Variants in KNSTRN observed in about 807,000 individuals in gnomAD.
KNSTRN encodes small kinetochore-associated protein.
Under a neutral mutation model 44.7 loss-of-function variants are expected in KNSTRN, and 38 were observed. The ratio of observed to expected loss-of-function variants is 0.85; its 90% CI spans 0.66 to 1.11. KNSTRN has a LOEUF of 1.11. Ranked by LOEUF, KNSTRN falls within the 50% of genes most tolerant of loss-of-function variation. KNSTRN has a pLI of 0.00. For missense variants in KNSTRN, 406 were observed against 375.8 expected, an observed-to-expected ratio of 1.08 and a Z score of -0.66; for synonymous variants, 158 against 148.1, an observed-to-expected ratio of 1.07 and a Z score of -0.48.
At chr15:40,386,324 A>G in intron 2 of KNSTRN, 38 bp from the exon 3 acceptor site, 3 of 1,601,530 alleles carry the variant, frequency 1.9e-6, no homozygotes, top group African/African-American at 1.3e-5. Context: ...CTGTCGGGTC[A>G]TGATGCCAGA....
At chr15:40,384,544 C>T (rs1889871996) in intron 2 of KNSTRN, 1 of 453,866 alleles carries the variant, frequency 2.2e-6, no homozygotes, top group African/African-American at 2.0e-5. Flanking sequence ...GTGTCTTTCC[C>T]TTAGATGCGG....
chr15:40,391,709 G>A (rs1203994342), intron 7 of KNSTRN, 155 bp downstream of exon 7: 2 of 699,154 alleles, frequency 2.9e-6, no homozygotes, highest in Non-Finnish European at 4.8e-6. Flanking sequence ...ACTCAAAATA[G>A]CATATTTTAC....
chr15:40,382,788 C>A lies in KNSTRN; in HGVS notation c.-48C>A. ...CTGCCCAGACCTGGGGGCTCCAACA[C>A]CTTTCGCTAGGTCTGGCTCTGGCCT... On this transcript the variant is annotated 5_prime_UTR_variant, in exon 1 of 9. Transcript: ENST00000249776. The A allele has an allele frequency of 1.3e-6, 2 of 1,553,754 alleles. No homozygotes were observed. Among genetic ancestry groups the A allele is most frequent in the Non-Finnish European group, 8.8e-7 (1 of 1,141,322 alleles).
intron 2 of KNSTRN, chr15:40,384,833 C>T: frequency 6.3e-6 from 1 of 159,464 alleles, no homozygotes; most frequent in South Asian, 1.5e-4. Context: ...CCCAGTGTCT[C>T]CCATTTTTAA....
At position 40,383,340 on chromosome 15, in the gene KNSTRN, G is replaced by A. The variant is rs746076066; in HGVS notation, c.304+18G>A. The A allele has an allele frequency of 1.1e-5, 17 of 1,593,648 alleles. No individual in the cohort carries two copies. The highest frequency in any genetic ancestry group is 2.7e-5 in the African/African-American group (2 of 74,518). The stretch of plus-strand genomic sequence containing the variant: ...GCCGGCAGGTGAGGGTCCAAGCCAC[G>A]CCCGGGGCACTGCGGCCTGGCCGGG... On this transcript the variant is annotated intron_variant, in intron 2 of 8. Transcript: ENST00000249776.
chr15:40,393,767 G>T lies in KNSTRN; in HGVS notation c.*170G>T. On this transcript the variant is annotated 3_prime_UTR_variant, in exon 9 of 9. Transcript: ENST00000249776. ...GCTGAAATGGCAATTCCTCATTTAA[G>T]CAAGTTTTCCCAACCTTCAGGTTGG... 2 of 588,810 alleles carry T rather than the reference G, an allele frequency of 3.4e-6. No homozygotes were observed. The highest frequency in any genetic ancestry group is 5.5e-6 in the Non-Finnish European group (2 of 363,858). 36.5% of individuals were successfully genotyped at this position (588,810 alleles called of 1,614,324 possible). A position where few individuals can be genotyped will look rare whatever the true frequency, so the allele number is the denominator to read the frequency against.
In KNSTRN at chr15:40,386,846, G is replaced by A. The variant is rs1019669496; in HGVS notation, c.438-313G>A. 6 of 528,366 alleles carry A rather than the reference G, an allele frequency of 1.1e-5. No homozygotes were observed. In the South Asian group the frequency reaches 1.3e-4, roughly 11 times the overall value. The allele number at this position is 528,366 out of a possible 1,614,324, so 32.7% of individuals were successfully genotyped here. A position where few individuals can be genotyped will look rare whatever the true frequency, so the allele number is the denominator to read the frequency against. On this transcript the variant is annotated intron_variant, in intron 3 of 8. Coordinates refer to ENST00000249776, the MANE Select transcript of KNSTRN (RefSeq NM_033286.4). ...TGACCACACAGTCCAGCCCTAGTGT[G>A]TGTGTATGTCCCCAGCCAGCAGTCA...
At chr15:40,388,427 G>A (rs530380058) in intron 4 of KNSTRN, among the ~76,000 whole-genome samples, 93 of 152,286 alleles carry the variant, frequency 6.1e-4, no homozygotes, top group African/African-American at 2.1e-3. Context: ...AAGGGCCGGC[G>A]CAGTGGCTCA....
chr15:40,383,328 G>A lies in KNSTRN; in HGVS notation c.304+6G>A, dbSNP rs1889847448. On this transcript the variant is annotated splice_donor_region_variant and intron_variant, in intron 2 of 8. Transcript: ENST00000249776. ...GAGCGGCGGCCAGCCGGCAGGTGAGGGTCCAAGCCACGCCCGGGGCACTGC... is the reference window on the plus strand; with the variant it reads ...GAGCGGCGGCCAGCCGGCAGGTGAGAGTCCAAGCCACGCCCGGGGCACTGC... 1 of 1,606,748 alleles carries A rather than the reference G, an allele frequency of 6.2e-7. No individual in the cohort carries two copies. The highest frequency in any genetic ancestry group is 8.5e-7 in the Non-Finnish European group (1 of 1,174,566).
intron 6 of KNSTRN, 40 bp from the exon 7 acceptor site, chr15:40,391,453 G>A (rs772603407): frequency 7.2e-6 from 11 of 1,524,496 alleles, no homozygotes; most frequent in Middle Eastern, 1.7e-4. Context: ...TTTAGGGTGT[G>A]TAGTTCCCTA....
rs771553462 is a variant in KNSTRN, at chr15:40,391,948, G to A, written c.748-1G>A. On this transcript the variant is annotated splice_acceptor_variant, in intron 7 of 8. Coordinates refer to ENST00000249776, the MANE Select transcript of KNSTRN (RefSeq NM_033286.4). LOFTEE classifies it high-confidence loss of function. ...TTTACTACATTGTGCTTTCCTCTTA[G>A]TTGCTGTTAGAAACTTTGCAAGAGG... 14 of 1,604,074 alleles carry A rather than the reference G, an allele frequency of 8.7e-6. No homozygotes were observed.
At chr15:40,387,832 A>AC (rs1006846935) in intron 4 of KNSTRN, among the ~76,000 whole-genome samples, 4 of 151,974 alleles carry the variant, frequency 2.6e-5, no homozygotes, top group East Asian at 1.9e-4. Flanking sequence ...ACATGATGGG[A>AC]CCCCATCTCT....
Position 40,383,080 on chromosome 15 carries a change from G to A in KNSTRN, c.209+36G>A, listed in dbSNP as rs774462366. On this transcript the variant is annotated intron_variant, in intron 1 of 8. Transcript: ENST00000249776. ...CCCGGGGCGAGGGACTGGGCTGGAT[G>A]GGAGGAAGGACGGAATGAGCTGGGA... 1.1e-5 allele frequency: 17 copies of A among 1,603,508 alleles called. No individual in the cohort carries two copies. The South Asian group carries it at 1.8e-4, about 17-fold the overall frequency.
intron 2 of KNSTRN, among the ~76,000 whole-genome samples, chr15:40,385,335 A>G (rs907736464): frequency 6.6e-6 from 1 of 152,220 alleles, no homozygotes; most frequent in Non-Finnish European, 1.5e-5. Flanking sequence ...TTTGGGGAAG[A>G]AGAGTGTTAT....
intron 6 of KNSTRN, 40 bp from the exon 7 acceptor site, chr15:40,391,453 G>C (rs772603407): frequency 6.6e-7 from 1 of 1,524,496 alleles, no homozygotes; most frequent in African/African-American, 1.4e-5. Flanking sequence ...TTTAGGGTGT[G>C]TAGTTCCCTA....
In KNSTRN at chr15:40,389,888, A is replaced by G; in HGVS notation, c.644A>G (p.Asp215Gly). ...QKVELLEKFR[D>G]NCLAILESKG... is the part of the protein sequence containing the mutation. ...GTAGAGCTGCTGGAGAAGTTTCGGG[A>G]CAACTGTTTGGCAATTTTGGAGAGC... is the stretch of plus-strand genomic sequence containing the variant. Residue 215 changes from aspartate to glycine, a missense_variant, in exon 6 of 9, where the codon GAC becomes GGC. By Grantham distance (94) the Asp-to-Gly change is moderately conservative (BLOSUM62 -1). Coordinates refer to ENST00000249776, the MANE Select transcript of KNSTRN (RefSeq NM_033286.4). 1 of 1,614,202 alleles carries G rather than the reference A, an allele frequency of 6.2e-7. No homozygotes were observed. The highest frequency in any genetic ancestry group is 1.1e-5 in the South Asian group (1 of 91,086).
chr15:40,383,237 G>C lies in KNSTRN; in HGVS notation c.219G>C (p.Pro73=), dbSNP rs1412336018. 3.1e-6 allele frequency: 5 copies of C among 1,613,890 alleles called. No individual in the cohort carries two copies. Among genetic ancestry groups the C allele is most frequent in the Non-Finnish European group, 4.2e-6 (5 of 1,179,762 alleles). The change falls in exon 2 of 9, where the codon CCG becomes CCC. Residue 73 remains proline, a synonymous_variant. Transcript: ENST00000249776. ...ATCCTGTACCTTCCAGGGTTCAGCC[G>C]TGCCGCCTCGTTACGATGACCAGTG... ...GQDRRAPGVQ[P]CRLVTMTSVV... is the part of the protein sequence containing the mutation.
At chr15:40,384,601 A>G (rs1889873203) in intron 2 of KNSTRN, 2 of 409,876 alleles carry the variant, frequency 4.9e-6, no homozygotes, top group Admixed American at 5.6e-5. Flanking sequence ...GCCAAGTTGG[A>G]AGTGTTCATC....
intron 8 of KNSTRN, among the ~76,000 whole-genome samples, chr15:40,392,807 C>G (rs1293761346): frequency 6.6e-6 from 1 of 150,528 alleles, no homozygotes; most frequent in African/African-American, 2.4e-5. Flanking sequence ...GACAGGGTTT[C>G]ACTGTGTTGG....
Sources: gnomAD v4.1 joint callset for allele counts (sites outside exome capture counted in the v4.1 genomes callset) on GRCh38, gnomAD v4.1.1 for gene constraint, MANE v1.5 for transcripts, NCBI Gene and HGNC (gene_info 2026-07-23, HGNC 2026-07-21) for gene names.